The following RMDN2 variants were observed in gnomAD, a reference collection of about 807,000 sequenced individuals.
RMDN2 encodes regulator of microtubule dynamics 2, also known as regulator of microtubule dynamics protein 2.
In RMDN2, 61 loss-of-function variants were observed where a neutral mutation model predicts 52.8. That is an observed-to-expected ratio of 1.16 (90% CI 0.94 to 1.43). The LOEUF is 1.43. Among genes scored for constraint, RMDN2 ranks in the 40% most tolerant of loss-of-function variants. The pLI is 0.00. For synonymous variants in RMDN2, 180 were observed against 153.1 expected (o/e 1.18, Z -1.30); for missense variants, 592 against 475.3 (o/e 1.25, Z -2.28).
intron 10 of RMDN2, among the ~76,000 whole-genome samples, chr2:38,007,608 T>C (rs1336032780): frequency 6.6e-6 from 1 of 152,218 alleles, no homozygotes; most frequent in African/African-American, 2.4e-5. Flanking sequence ...TCTTCTTTAT[T>C]AGTCTTCCTA....
At chr2:38,009,955 T>G (rs1353887650) in intron 10 of RMDN2, among the ~76,000 whole-genome samples, 7 of 152,208 alleles carry the variant, frequency 4.6e-5, no homozygotes, top group African/African-American at 7.2e-5. Context: ...TGCAGGTCTG[T>G]TGGAGTTTGC....
intron 10 of RMDN2, among the ~76,000 whole-genome samples, chr2:38,026,139 C>T (rs987045355): frequency 3.9e-5 from 6 of 152,102 alleles, no homozygotes; most frequent in African/African-American, 1.4e-4. Flanking sequence ...TTAAGAGATA[C>T]AGGGCTATTT....
At chr2:38,003,328 G>A (rs988748915) in intron 8 of RMDN2, among the ~76,000 whole-genome samples, 1 of 152,094 alleles carries the variant, frequency 6.6e-6, no homozygotes, top group African/African-American at 2.4e-5. Context: ...CGAGGAGGGT[G>A]GATCACCTGA....
intron 8 of RMDN2, among the ~76,000 whole-genome samples, chr2:37,999,203 G>A (rs750204636): frequency 3.3e-5 from 5 of 152,096 alleles, no homozygotes; most frequent in Non-Finnish European, 5.9e-5. Flanking sequence ...TGCAAATTTC[G>A]GAACCAGACT....
intron 10 of RMDN2, among the ~76,000 whole-genome samples, chr2:38,061,201 A>T (rs1214193589): frequency 6.6e-6 from 1 of 152,050 alleles, no homozygotes; most frequent in Non-Finnish European, 1.5e-5. Context: ...ATTAAGGACA[A>T]GTGTCCTCTT....
chr2:38,002,387 A>G (rs987033339), intron 8 of RMDN2, among the ~76,000 whole-genome samples: 3 of 152,202 alleles, frequency 2.0e-5, no homozygotes, highest in Non-Finnish European at 4.4e-5. Context: ...GCTTCCTTTC[A>G]TTATGATTCA....
intron 10 of RMDN2, chr2:38,012,601 A>G (rs772687388): frequency 8.5e-6 from 4 of 468,520 alleles, no homozygotes; most frequent in Non-Finnish European, 1.8e-5. Context: ...TTTTTTCCTC[A>G]GTGATGTCTC....
chr2:37,977,233 A>G (rs1035283057), intron 4 of RMDN2, among the ~76,000 whole-genome samples: 4 of 152,238 alleles, frequency 2.6e-5, no homozygotes, highest in Non-Finnish European at 4.4e-5. Context: ...GGAGTCTCCT[A>G]TGTCTACTTC....
chr2:38,037,743 G>A (rs1028371392), intron 10 of RMDN2, among the ~76,000 whole-genome samples: 2 of 152,228 alleles, frequency 1.3e-5, no homozygotes, highest in Non-Finnish European at 2.9e-5. Context: ...ATTCAAGGAA[G>A]GAGACCTACA....
intron 5 of RMDN2, among the ~76,000 whole-genome samples, chr2:37,983,093 TTCTCTCCCTCG>T (rs1310670344): frequency 6.6e-6 from 1 of 151,962 alleles, no homozygotes; most frequent in Non-Finnish European, 1.5e-5. Context: ...CTTCTCTTCT[TTCTCTCCCTCG>T]TCTATTGCTC....
chr2:37,949,854 A>C (rs1668567978), intron 2 of RMDN2: 1 of 153,564 alleles, frequency 6.5e-6, no homozygotes, highest in Non-Finnish European at 1.4e-5. Flanking sequence ...ATAAGAAAGG[A>C]CAGTGTTTCT....
At position 38,025,838 on chromosome 2, in the gene RMDN2, G is replaced by GT. The variant is rs1487822821; in HGVS notation, c.1713+21623dup. Among the ~76,000 whole-genome samples, 5 of 151,988 alleles carry GT rather than the reference G, an allele frequency of 3.3e-5. No homozygotes were observed. The East Asian group carries it at 7.7e-4, about 23-fold the overall frequency. On this transcript the variant is annotated intron_variant, in intron 10 of 10. Coordinates refer to the RMDN2 transcript ENST00000234195. ...GTCCTAATGTGTTATTCTTTTTATTGTATCAGTGGGTTTACTAAAATTTTA... is the reference window on the plus strand; with the variant it reads ...GTCCTAATGTGTTATTCTTTTTATTGTTATCAGTGGGTTTACTAAAATTTTA...
At chr2:38,050,822 G>A (rs1388526048) in intron 10 of RMDN2, among the ~76,000 whole-genome samples, 3 of 152,176 alleles carry the variant, frequency 2.0e-5, no homozygotes, top group African/African-American at 4.8e-5. Context: ...GCGGTGGCAC[G>A]ATCTCAGCTC....
downstream of RMDN2, among the ~76,000 whole-genome samples, chr2:38,020,496 T>C (rs1304115259): frequency 6.6e-6 from 1 of 152,208 alleles, no homozygotes; most frequent in East Asian, 1.9e-4. Context: ...TCCCTCAGCC[T>C]GCGGGGAGGT....
chr2:38,029,613 T>TA (rs11342949), intron 10 of RMDN2: 2,049 of 132,000 alleles, frequency 0.016, 23 homozygotes, highest in African/African-American at 0.034. Context: ...AAGTTTCCTT[T>TA]AAAAAAAAAA....
chr2:37,975,038 C>T (rs568484385), intron 3 of RMDN2, 174 bp from the exon 4 acceptor site: 1 of 601,140 alleles, frequency 1.7e-6, no homozygotes, highest in African/African-American at 1.9e-5. Flanking sequence ...TATTTCTTAG[C>T]CATGAGTATT....
downstream of RMDN2, among the ~76,000 whole-genome samples, chr2:38,020,230 C>A (rs1357253465): frequency 6.6e-6 from 1 of 152,122 alleles, no homozygotes; most frequent in African/African-American, 2.4e-5. Context: ...ATTATACAAC[C>A]CACCATAATG....
chr2:37,926,537 TTGTATC>T (rs1209614429), intron 1 of RMDN2, among the ~76,000 whole-genome samples: 3 of 152,358 alleles, frequency 2.0e-5, no homozygotes, highest in African/African-American at 7.2e-5. Flanking sequence ...ACATAATACT[TTGTATC>T]TGATTATTAA....
At chr2:38,002,923 C>T (rs1454079888) in intron 8 of RMDN2, 3 of 152,192 alleles carry the variant, frequency 2.0e-5, no homozygotes, top group Admixed American at 6.5e-5. Context: ...TTCAAAACAG[C>T]GAAAGCTGAC....
Sources: gnomAD v4.1 joint callset for allele counts (sites outside exome capture counted in the v4.1 genomes callset) on GRCh38, gnomAD v4.1.1 for gene constraint, MANE v1.5 for transcripts, NCBI Gene and HGNC (gene_info 2026-07-23, HGNC 2026-07-21) for gene names.